The following TRIM24 variants were observed in gnomAD, a reference collection of about 807,000 sequenced individuals.
TRIM24 encodes the protein transcription intermediary factor 1-alpha.
TRIM24 carries 29 observed loss-of-function variants against 123.9 expected under a neutral mutation model. The observed-to-expected ratio is 0.23, with a 90% confidence interval of 0.17 to 0.32. The LOEUF is 0.32. Among genes scored for constraint, TRIM24 ranks in the 10% least tolerant of loss-of-function variants. The pLI is 1.00. For missense variants in TRIM24, 932 were observed against 1,295.3 expected (o/e 0.72, Z 4.31); for synonymous variants, 456 against 461.1 (o/e 0.99, Z 0.14).
intron 1 of TRIM24, 106 bp downstream of exon 1, chr7:138,461,018 G>T: frequency 9.2e-7 from 1 of 1,089,880 alleles, no homozygotes; most frequent in Non-Finnish European, 1.2e-6. Context: ...CCCGGGGTGC[G>T]CGGCGGGGGA....
intron 1 of TRIM24, among the ~76,000 whole-genome samples, chr7:138,470,191 T>C (rs1029741271): frequency 7.0e-6 from 1 of 142,840 alleles, no homozygotes; most frequent in African/African-American, 2.7e-5. Context: ...AGTGCAGTGG[T>C]GTGATCTTGG....
chr7:138,477,227 G>A (rs1795423817), intron 1 of TRIM24, among the ~76,000 whole-genome samples: 1 of 152,156 alleles, frequency 6.6e-6, no homozygotes, highest in African/African-American at 2.4e-5. Context: ...GGCTGAGGCA[G>A]GAGAACTGCT....
intron 9 of TRIM24, among the ~76,000 whole-genome samples, chr7:138,564,193 C>T (rs147753978): frequency 3.0e-4 from 46 of 152,216 alleles, no homozygotes; most frequent in Admixed American, 1.9e-3. Context: ...TCCGTTGCCC[C>T]CCTTGGACTT....
At chr7:138,537,366 G>A (rs552227189) in intron 6 of TRIM24, among the ~76,000 whole-genome samples, 4 of 101,768 alleles carry the variant, frequency 3.9e-5, no homozygotes, top group Admixed American at 1.2e-4. Context: ...CCACTCCTCC[G>A]CCACCCCTGT....
intron 4 of TRIM24, among the ~76,000 whole-genome samples, chr7:138,522,254 C>T (rs1339787714): frequency 1.3e-5 from 2 of 151,574 alleles, no homozygotes; most frequent in African/African-American, 2.4e-5. Flanking sequence ...GAGAATCACT[C>T]GAACCCAGGA....
chr7:138,569,459 T>C (rs1797608386), intron 10 of TRIM24, among the ~76,000 whole-genome samples: 2 of 152,240 alleles, frequency 1.3e-5, no homozygotes, highest in Admixed American at 1.3e-4. Flanking sequence ...AATCTAGATA[T>C]GATTTTCTGA....
At chr7:138,524,140 C>T (rs1796562183) in intron 4 of TRIM24, among the ~76,000 whole-genome samples, 1 of 152,006 alleles carries the variant, frequency 6.6e-6, no homozygotes, top group Non-Finnish European at 1.5e-5. Context: ...ATGCCTATCT[C>T]AATAGAAGCA....
intron 4 of TRIM24, among the ~76,000 whole-genome samples, chr7:138,524,457 A>G (rs1796569816): frequency 6.6e-6 from 1 of 152,174 alleles, no homozygotes; most frequent in African/African-American, 2.4e-5. Flanking sequence ...TTATATACTA[A>G]GGAAATCCAA....
intron 2 of TRIM24, among the ~76,000 whole-genome samples, chr7:138,506,800 G>C (rs1192367624): frequency 1.3e-5 from 2 of 152,158 alleles, no homozygotes; most frequent in African/African-American, 4.8e-5. Context: ...TGTGGTATGA[G>C]AATAGGGTGC....
intron 4 of TRIM24, among the ~76,000 whole-genome samples, chr7:138,522,633 G>C (rs1022977231): frequency 3.3e-5 from 5 of 151,960 alleles, no homozygotes; most frequent in African/African-American, 4.8e-5. Context: ...ATAGTTTAAA[G>C]TACTGTAAAC....
At chr7:138,544,351 T>G (rs1473973621) in intron 7 of TRIM24, among the ~76,000 whole-genome samples, 1 of 152,206 alleles carries the variant, frequency 6.6e-6, no homozygotes, top group Non-Finnish European at 1.5e-5. Flanking sequence ...TAGCAGGATT[T>G]CTTTCCTTTT....
chr7:138,546,158 C>A (rs1797097971), intron 7 of TRIM24, among the ~76,000 whole-genome samples: 1 of 152,070 alleles, frequency 6.6e-6, no homozygotes, highest in Admixed American at 6.5e-5. Flanking sequence ...AATTATAGAT[C>A]AAGATTAATA....
At chr7:138,576,015 C>T (rs1797750897) in intron 12 of TRIM24, among the ~76,000 whole-genome samples, 1 of 152,164 alleles carries the variant, frequency 6.6e-6, no homozygotes, top group Admixed American at 6.5e-5. Context: ...CACAGAAAGA[C>T]TTGGCAATGT....
chr7:138,572,660 GC>G (rs1797681423), intron 11 of TRIM24, among the ~76,000 whole-genome samples: 1 of 152,136 alleles, frequency 6.6e-6, no homozygotes, highest in Non-Finnish European at 1.5e-5. Context: ...TACAAACTGT[GC>G]CCTATGGCTG....
rs1054429184 is a variant in TRIM24, at chr7:138,580,620, T to G, written c.2644T>G (p.Cys882Gly). 1.2e-6 allele frequency: 2 copies of G among 1,613,890 alleles called. No individual in the cohort carries two copies. The highest frequency in any genetic ancestry group is 1.7e-5 in the Admixed American group (1 of 60,016). ...ATCTAAACCAGAAGTTGAATATGAT[T>G]GTGATGCTCCCAGTCACAACTCAGA... ...DLSKPEVEYD[C>G]DAPSHNSEKK... The change falls in exon 16 of 19, where the codon TGT becomes GGT. Residue 882 changes from cysteine (C) to glycine (G), a missense_variant. Transcript: ENST00000343526.
At chr7:138,505,844 A>G (rs2116532239) in intron 2 of TRIM24, among the ~76,000 whole-genome samples, 1 of 152,308 alleles carries the variant, frequency 6.6e-6, no homozygotes, top group Middle Eastern at 3.4e-3. Flanking sequence ...TCTATCATGC[A>G]TAATCTATAG....
At position 138,588,539 on chromosome 7, in the gene TRIM24, A is replaced by G. The variant is rs1372923702; in HGVS notation, c.*3588A>G. On this transcript the variant is annotated 3_prime_UTR_variant, in exon 19 of 19. Transcript: ENST00000343526. ...ACATGGTGAAACCCCATCTCTACTA[A>G]AAATACCAAAATCACCAGGGTGTGG... 6.6e-6 allele frequency: 1 copy of G among 151,392 alleles called. No individual in the cohort carries two copies. The highest frequency in any genetic ancestry group is 2.4e-5 in the African/African-American group (1 of 41,028). 9.4% of individuals were successfully genotyped at this position (151,392 alleles called of 1,614,324 possible).
chr7:138,554,095 T>C lies in TRIM24; in HGVS notation c.1262-603T>C, dbSNP rs934273564. Among the ~76,000 whole-genome samples, 5 of 152,182 alleles carry C rather than the reference T, an allele frequency of 3.3e-5. No individual in the cohort carries two copies. Among genetic ancestry groups the C allele is most frequent in the African/African-American group, 1.2e-4 (5 of 41,440 alleles). ...ATGGCCTGGATTCCACAGGCTGAGC[T>C]GGGGGTTCAGATATTCTTCATTGAT... is the stretch of plus-strand genomic sequence containing the variant. On this transcript the variant is annotated intron_variant, in intron 8 of 18. Transcript: ENST00000343526. This position sits in a 1 kb window ranked among gnomAD's most constrained non-coding sequence, Gnocchi z 4.5.
Position 138,585,803 on chromosome 7 carries a change from G to A in TRIM24, c.*852G>A. The A allele has an allele frequency of 1.9e-6, 1 of 520,736 alleles. No individual in the cohort carries two copies. Among genetic ancestry groups the A allele is most frequent in the Non-Finnish European group, 3.8e-6 (1 of 260,996 alleles). 32.3% of individuals were successfully genotyped at this position (520,736 alleles called of 1,614,324 possible). ...CTCATTGTTTGCAGTATAGCTTTTA[G>A]TGGAACTACCCAAAATATAAATACA... is the stretch of plus-strand genomic sequence containing the variant. On this transcript the variant is annotated 3_prime_UTR_variant, in exon 19 of 19. Transcript: ENST00000343526.
Sources: gnomAD v4.1 joint callset for allele counts (sites outside exome capture counted in the v4.1 genomes callset) on GRCh38, gnomAD v4.1.1 for gene constraint, Gnocchi (gnomAD v3.1) non-coding constraint, MANE v1.5 for transcripts, NCBI Gene and HGNC (gene_info 2026-07-23, HGNC 2026-07-21) for gene names.